The following ATP8A1 variants were observed in gnomAD, a reference collection of about 807,000 sequenced individuals.
The protein encoded by ATP8A1 is ATPase phospholipid transporting 8A1.
A neutral mutation model predicts 177.7 loss-of-function variants in ATP8A1; 90 were observed. That is an observed-to-expected ratio of 0.51 (90% CI 0.43 to 0.60). The LOEUF is 0.60. Ranked by LOEUF, ATP8A1 falls within the 20% of genes least tolerant of loss-of-function variation. The pLI, the probability that ATP8A1 is intolerant of heterozygous loss-of-function variation, is 0.00. For missense variants in ATP8A1, 1,072 were observed against 1,392.8 expected, an observed-to-expected ratio of 0.77 and a Z score of 3.67; for synonymous variants, 493 against 485.9, an observed-to-expected ratio of 1.01 and a Z score of -0.19.
rs142141903 is a variant in ATP8A1 at position 42,584,755 on chromosome 4, A to G, written c.722+1594T>C. Among the ~76,000 whole-genome samples the G allele has an allele frequency of 2.1e-4, 32 of 152,308 alleles. 1 individual carries two copies. In the East Asian group the frequency reaches 6.0e-3, roughly 28 times the overall value. On this transcript the variant is annotated intron_variant, in intron 9 of 36. Transcript: ENST00000381668. ...ATATCTATGCCACTTACTTCCAAACATATCTCATGAACCCAGACTTCTGTC... is the reference window on the plus strand; with the variant it reads ...ATATCTATGCCACTTACTTCCAAACGTATCTCATGAACCCAGACTTCTGTC...
chr4:42,594,585 T>C lies in ATP8A1; in HGVS notation c.451-3701A>G, dbSNP rs200587380. On this transcript the variant is annotated intron_variant, in intron 6 of 36. Coordinates refer to ENST00000381668, the MANE Select transcript of ATP8A1 (RefSeq NM_006095.2). The stretch of plus-strand genomic sequence containing the variant: ...ATATTGGATATATAACTTATCTTGA[T>C]AAAATCAATCTATTCTATCCACTTA... 7.2e-5 allele frequency among the ~76,000 whole-genome samples: 11 copies of C among 152,236 alleles called. No individual in the cohort carries two copies. The East Asian group carries it at 1.5e-3, about 21-fold the overall frequency.
In ATP8A1 at chr4:42,411,537, T is replaced by C. The variant is rs1712603710; in HGVS notation, c.*1379A>G. 1 of 152,192 alleles carries C rather than the reference T, an allele frequency of 6.6e-6. No homozygotes were observed. Among genetic ancestry groups the C allele is most frequent in the Non-Finnish European group, 1.5e-5 (1 of 68,042 alleles). The allele number at this position is 152,192 out of a possible 1,614,324, so 9.4% of individuals were successfully genotyped here. On this transcript the variant is annotated 3_prime_UTR_variant, in exon 37 of 37. Coordinates refer to ENST00000381668, the MANE Select transcript of ATP8A1 (RefSeq NM_006095.2). ...AATGAAAGTATTATTTAAAAAATAG[T>C]GTAGAAAACTGGTTGTGGTTTTTAA...
intron 24 of ATP8A1, among the ~76,000 whole-genome samples, chr4:42,485,913 C>T (rs1441932936): frequency 6.6e-6 from 1 of 152,196 alleles, no homozygotes; most frequent in Non-Finnish European, 1.5e-5. Flanking sequence ...TGGGACTAGA[C>T]TATAAGTCAC....
intron 20 of ATP8A1, among the ~76,000 whole-genome samples, chr4:42,528,269 T>TA (rs573585361): frequency 6.6e-6 from 1 of 152,110 alleles, no homozygotes; most frequent in South Asian, 2.1e-4. Flanking sequence ...TGAGGGCTAT[T>TA]ACGGTGGGAA....
At chr4:42,486,376 A>G (rs1223819539) in intron 24 of ATP8A1, among the ~76,000 whole-genome samples, 1 of 152,198 alleles carries the variant, frequency 6.6e-6, no homozygotes, top group Admixed American at 6.5e-5. Context: ...CGGGGCAAAT[A>G]TTTAGGCTAA....
chr4:42,590,206 G>C (rs1189699195), intron 7 of ATP8A1, among the ~76,000 whole-genome samples: 1 of 152,174 alleles, frequency 6.6e-6, no homozygotes, highest in Non-Finnish European at 1.5e-5. Context: ...AGCTGAAATT[G>C]ATCACAGTAA....
intron 5 of ATP8A1, among the ~76,000 whole-genome samples, chr4:42,606,718 CT>C (rs955267964): frequency 2.5e-4 from 38 of 152,168 alleles, no homozygotes; most frequent in African/African-American, 8.7e-4. Context: ...TATTCTCCCC[CT>C]GGTGCAAATT....
chr4:42,467,068 T>G (rs974816303), intron 25 of ATP8A1, among the ~76,000 whole-genome samples: 1 of 152,210 alleles, frequency 6.6e-6, no homozygotes. Flanking sequence ...ATAACTAAAC[T>G]TGTAATAAAG....
At position 42,446,622 on chromosome 4, in the gene ATP8A1, T is replaced by A; in HGVS notation, c.2919A>T (p.Lys973Asn). Residue 973 changes from lysine to asparagine, a missense_variant, in exon 31 of 37, where the codon AAA becomes AAT. Lys to Asn is a moderately conservative substitution (Grantham distance 94). Transcript: ENST00000381668. ...TTCCCAGTAGCAGATAATCCGAGGTTTTCCCATTTCCAAATGCAGTACCTG... is the reference window on the plus strand; with the variant it reads ...TTCCCAGTAGCAGATAATCCGAGGTATTCCCATTTCCAAATGCAGTACCTG... Reference protein sequence around the residue: ...LQYGTAFGNGKTSDYLLLGNF... With the variant: ...LQYGTAFGNGNTSDYLLLGNF... 6.2e-7 allele frequency: 1 copy of A among 1,613,974 alleles called. No individual in the cohort carries two copies. The highest frequency in any genetic ancestry group is 8.5e-7 in the Non-Finnish European group (1 of 1,179,920).
At chr4:42,649,020 T>C (rs999451700) in intron 1 of ATP8A1, among the ~76,000 whole-genome samples, 1 of 152,170 alleles carries the variant, frequency 6.6e-6, no homozygotes, top group Non-Finnish European at 1.5e-5. Context: ...CATAAAAAGA[T>C]ATATACTTTT....
chr4:42,460,721 G>A (rs1719036545), intron 27 of ATP8A1, among the ~76,000 whole-genome samples: 1 of 152,138 alleles, frequency 6.6e-6, no homozygotes, highest in Non-Finnish European at 1.5e-5. Flanking sequence ...TGTAGAAACA[G>A]TCAACAGATT....
intron 35 of ATP8A1, among the ~76,000 whole-genome samples, chr4:42,420,707 C>T (rs999227655): frequency 7.2e-5 from 11 of 151,988 alleles, no homozygotes; most frequent in South Asian, 6.2e-4. Context: ...ACAGTATTAA[C>T]AGTGGCCTTT....
intron 1 of ATP8A1, among the ~76,000 whole-genome samples, chr4:42,628,593 T>C (rs1738371612): frequency 6.6e-6 from 1 of 152,186 alleles, no homozygotes; most frequent in Non-Finnish European, 1.5e-5. Flanking sequence ...GTCACACCCA[T>C]TTTGCAGTTT....
chr4:42,632,254 T>C (rs1738816607), intron 1 of ATP8A1, among the ~76,000 whole-genome samples: 1 of 152,116 alleles, frequency 6.6e-6, no homozygotes, highest in Non-Finnish European at 1.5e-5. Flanking sequence ...TCAAACCAGT[T>C]CCCAGAAAAA....
intron 4 of ATP8A1, among the ~76,000 whole-genome samples, chr4:42,620,282 A>T (rs1737336985): frequency 6.6e-6 from 1 of 152,218 alleles, no homozygotes; most frequent in Non-Finnish European, 1.5e-5. Context: ...TTCTTGCTAA[A>T]CTACTCTTAC....
chr4:42,549,125 A>C, intron 18 of ATP8A1, 63 bp from the exon 19 acceptor site: 1 of 1,326,614 alleles, frequency 7.5e-7, no homozygotes, highest in Non-Finnish European at 1.1e-6. Context: ...CTAGGAAATA[A>C]ATCCTAGCCA....
intron 22 of ATP8A1, among the ~76,000 whole-genome samples, chr4:42,507,801 A>AAAC (rs1724594325): frequency 7.2e-6 from 1 of 139,822 alleles, no homozygotes; most frequent in South Asian, 2.5e-4. Flanking sequence ...AAAAAAAAAA[A>AAAC]AAAAAAAACA....
chr4:42,446,680 T>A, intron 30 of ATP8A1, 36 bp from the exon 31 acceptor site: 1 of 1,568,484 alleles, frequency 6.4e-7, no homozygotes, highest in South Asian at 1.1e-5. Context: ...GAAAGGAAAA[T>A]GAGATTCTTT....
intron 20 of ATP8A1, among the ~76,000 whole-genome samples, chr4:42,537,571 C>T (rs1201764599): frequency 6.6e-6 from 1 of 152,180 alleles, no homozygotes; most frequent in Non-Finnish European, 1.5e-5. Context: ...AGCAAAGTTT[C>T]AGGATACAAA....
Sources: allele counts gnomAD v4.1 joint callset (sites outside exome capture counted in the v4.1 genomes callset), GRCh38; gene constraint gnomAD v4.1.1; transcripts MANE v1.5; gene names NCBI Gene and HGNC (gene_info 2026-07-23, HGNC 2026-07-21).